Variants in UNC79 observed in about 807,000 individuals in gnomAD.
The protein encoded by UNC79 is unc-79 subunit of NALCN channel complex, also known as protein unc-79 homolog.
Under a neutral mutation model 283.1 loss-of-function variants are expected in UNC79, and 37 were observed. The observed-to-expected ratio is 0.13, with a 90% CI of 0.10 to 0.17. UNC79 has a LOEUF of 0.17. Among genes scored for constraint, UNC79 ranks in the 10% least tolerant of loss-of-function variants. UNC79 has a pLI of 1.00. For synonymous variants in UNC79, 1,107 were observed against 1,200.2 expected, an observed-to-expected ratio of 0.92 and a Z score of 1.61; for missense variants, 2,272 against 3,211.1, an observed-to-expected ratio of 0.71 and a Z score of 7.07.
At chr14:93,470,616 C>T (rs1476861979) in intron 2 of UNC79, among the ~76,000 whole-genome samples, 2 of 152,202 alleles carry the variant, frequency 1.3e-5, no homozygotes, top group East Asian at 1.9e-4. Context: ...TTTCATCCAG[C>T]GTTGGAATCC....
At chr14:93,498,782 A>G (rs1438582419) in intron 7 of UNC79, among the ~76,000 whole-genome samples, 1 of 152,148 alleles carries the variant, frequency 6.6e-6, no homozygotes, top group Non-Finnish European at 1.5e-5. Flanking sequence ...TTATGTATAT[A>G]TATTATTAAA....
chr14:93,657,047 C>T (rs2071023754), intron 38 of UNC79, among the ~76,000 whole-genome samples: 1 of 152,176 alleles, frequency 6.6e-6, no homozygotes, highest in Non-Finnish European at 1.5e-5. Context: ...ACCCTTAGCT[C>T]AGCGTGTGCT....
exon 27 of UNC79, chr14:93,613,024 G>A: frequency 6.2e-7 from 1 of 1,614,206 alleles, no homozygotes; most frequent in Non-Finnish European, 8.5e-7. Flanking sequence ...CTTCATGATT[G>A]CACCTCAAAA....
chr14:93,674,558 C>G (rs1288913443), intron 41 of UNC79, among the ~76,000 whole-genome samples: 1 of 152,184 alleles, frequency 6.6e-6, no homozygotes, highest in Non-Finnish European at 1.5e-5. Context: ...CCAGCCATTG[C>G]ATCACAGCTG....
chr14:93,643,157 C>G (rs1443538176), intron 33 of UNC79, among the ~76,000 whole-genome samples: 1 of 152,206 alleles, frequency 6.6e-6, no homozygotes, highest in Non-Finnish European at 1.5e-5. Flanking sequence ...AAGCATTTTG[C>G]ATTTTTAACT....
At chr14:93,469,001 C>T (rs2057361994) in intron 2 of UNC79, among the ~76,000 whole-genome samples, 1 of 152,126 alleles carries the variant, frequency 6.6e-6, no homozygotes, top group South Asian at 2.1e-4. Context: ...TCTTTGAGGT[C>T]CAAGTTCTCA....
intron 7 of UNC79, among the ~76,000 whole-genome samples, chr14:93,516,842 C>T (rs372388141): frequency 6.6e-6 from 1 of 152,094 alleles, no homozygotes; most frequent in Admixed American, 6.5e-5. Flanking sequence ...CATCCATGAA[C>T]ATGGTATATT....
intron 7 of UNC79, among the ~76,000 whole-genome samples, chr14:93,521,418 A>T (rs2060314871): frequency 1.3e-5 from 2 of 151,914 alleles, no homozygotes; most frequent in African/African-American, 4.8e-5. Context: ...CTCTTCCTTC[A>T]TACTCTATTC....
chr14:93,699,099 A>G (rs2075354200), intron 47 of UNC79, among the ~76,000 whole-genome samples: 2 of 152,296 alleles, frequency 1.3e-5, no homozygotes, highest in South Asian at 2.1e-4. Context: ...TATAAGCAGC[A>G]TAAAGTTGGA....
At chr14:93,674,154 T>TA (rs777810344) in intron 41 of UNC79, among the ~76,000 whole-genome samples, 15 of 151,820 alleles carry the variant, frequency 9.9e-5, no homozygotes, top group South Asian at 6.3e-4. Flanking sequence ...GAGAAAGAGG[T>TA]AAAAAAACTC....
chr14:93,666,706 A>G (rs1274138023), intron 40 of UNC79, among the ~76,000 whole-genome samples: 1 of 152,186 alleles, frequency 6.6e-6, no homozygotes, highest in African/African-American at 2.4e-5. Flanking sequence ...AGCAGATAAA[A>G]CATATAGTAG....
chr14:93,643,175 A>G (rs569145275), intron 33 of UNC79, among the ~76,000 whole-genome samples: 1 of 152,338 alleles, frequency 6.6e-6, no homozygotes, highest in Non-Finnish European at 1.5e-5. Flanking sequence ...ACTTCAACAA[A>G]TTAAAAACAA....
chr14:93,569,858 G>A (rs903289317), intron 14 of UNC79, among the ~76,000 whole-genome samples: 2 of 152,182 alleles, frequency 1.3e-5, no homozygotes, highest in Non-Finnish European at 2.9e-5. Flanking sequence ...AAGAAGGATG[G>A]ATGGAGCTTT....
chr14:93,674,021 A>G (rs546688240), intron 41 of UNC79, among the ~76,000 whole-genome samples: 3 of 152,124 alleles, frequency 2.0e-5, no homozygotes, highest in Non-Finnish European at 4.4e-5. Context: ...ACTGGCAACA[A>G]TTATGCTTTT....
At chr14:93,566,832 T>C (rs2062922174) in intron 14 of UNC79, among the ~76,000 whole-genome samples, 1 of 152,038 alleles carries the variant, frequency 6.6e-6, no homozygotes, top group South Asian at 2.1e-4. Flanking sequence ...TTGGCAAGGA[T>C]GGTCTTGATC....
intron 14 of UNC79, 53 bp from the exon 15 acceptor site, chr14:93,571,841 T>C (rs1388736366): frequency 6.2e-7 from 1 of 1,601,780 alleles, no homozygotes; most frequent in Non-Finnish European, 8.5e-7. Context: ...TTGAGTATAA[T>C]TGTAACCAGT....
chr14:93,646,574 A>G, intron 34 of UNC79, 34 bp from the exon 38 acceptor site: 5 of 1,607,990 alleles, frequency 3.1e-6, no homozygotes, highest in Non-Finnish European at 4.3e-6. Flanking sequence ...GAAACCTAAG[A>G]TATTTGTGTG....
chr14:93,568,028 G>A (rs1033445883), intron 14 of UNC79, among the ~76,000 whole-genome samples: 1 of 152,194 alleles, frequency 6.6e-6, no homozygotes, highest in Non-Finnish European at 1.5e-5. Context: ...AAAGGAGGCA[G>A]TCAGATATGC....
chr14:93,462,551 A>G (rs2056998210), intron 1 of UNC79, among the ~76,000 whole-genome samples: 1 of 152,208 alleles, frequency 6.6e-6, no homozygotes, highest in African/African-American at 2.4e-5. Context: ...AGGCAAGAAG[A>G]AATCTGAAAA....
Sources: gnomAD v4.1 joint callset for allele counts (sites outside exome capture counted in the v4.1 genomes callset) on GRCh38, gnomAD v4.1.1 for gene constraint, MANE v1.5 for transcripts, NCBI Gene and HGNC (gene_info 2026-07-23, HGNC 2026-07-21) for gene names.